The following KLF8 variants were observed in gnomAD, a reference collection of about 807,000 sequenced individuals.
KLF8 encodes Krueppel-like factor 8.
Under a neutral mutation model 18.2 loss-of-function variants are expected in KLF8, and 10 were observed. The ratio of observed to expected loss-of-function variants is 0.55; its 90% confidence interval spans 0.34 to 0.93. The LOEUF (loss-of-function observed/expected upper bound fraction) is 0.93. Ranked by LOEUF, KLF8 falls within the 40% of genes least tolerant of loss-of-function variation. The pLI is 0.02. For missense variants in KLF8, 264 were observed against 277.9 expected, an observed-to-expected ratio of 0.95 and a Z score of 0.36; for synonymous variants, 109 against 97.3, an observed-to-expected ratio of 1.12 and a Z score of -0.71.
the KLF8 span, among the ~76,000 whole-genome samples, chrX:56,074,418 G>A: frequency 9.0e-6 from 1 of 110,851 alleles, no homozygotes; most frequent in Non-Finnish European, 1.9e-5. Context: ...AGAGTTTTAT[G>A]TTTTAGATTA....
the KLF8 span, among the ~76,000 whole-genome samples, chrX:56,135,563 C>T: frequency 1.3e-3 from 145 of 110,009 alleles, no homozygotes; most frequent in African/African-American, 4.3e-3. Flanking sequence ...GGGTGGGGGA[C>T]GGGAGAGGGA....
At chrX:56,005,105 C>T in the KLF8 span, among the ~76,000 whole-genome samples, 6 of 108,958 alleles carry the variant, frequency 5.5e-5, no homozygotes, top group East Asian at 5.8e-4. Flanking sequence ...TGCAGTGGTG[C>T]GGTCTTGGCT....
At chrX:56,242,924 A>G in intron 1 of KLF8, 1 of 440,533 alleles carries the variant, frequency 2.3e-6, no homozygotes, top group Non-Finnish European at 4.2e-6. Flanking sequence ...AGAATTAGTC[A>G]GCTGGACTCA....
intron 1 of KLF8, among the ~76,000 whole-genome samples, chrX:56,240,860 G>A (rs2066534940): frequency 9.0e-6 from 1 of 111,303 alleles, no homozygotes; most frequent in South Asian, 3.8e-4. Flanking sequence ...TGTATAGTGG[G>A]ATCAACAGTA....
At chrX:56,089,092 A>G in the KLF8 span, among the ~76,000 whole-genome samples, 1 of 110,741 alleles carries the variant, frequency 9.0e-6, no homozygotes, top group Non-Finnish European at 1.9e-5. Flanking sequence ...AGTCATCCCC[A>G]CTGCAGTATT....
chrX:56,045,454 C>G, the KLF8 span, among the ~76,000 whole-genome samples: 12 of 111,211 alleles, frequency 1.1e-4, no homozygotes, highest in African/African-American at 3.6e-4. Flanking sequence ...GGTATTTTTA[C>G]GGGAATTGCA....
the KLF8 span, among the ~76,000 whole-genome samples, chrX:56,224,882 T>G: frequency 9.0e-6 from 1 of 111,570 alleles, no homozygotes; most frequent in African/African-American, 3.3e-5. Flanking sequence ...GAGGGCTCAC[T>G]GCTTCCAAGA....
the KLF8 span, among the ~76,000 whole-genome samples, chrX:56,066,396 G>A: frequency 2.7e-5 from 3 of 112,192 alleles, no homozygotes; most frequent in African/African-American, 6.5e-5. Flanking sequence ...TGTGAGCACC[G>A]ACTATGGTAG....
At chrX:56,027,946 C>A in the KLF8 span, among the ~76,000 whole-genome samples, 1 of 112,258 alleles carries the variant, frequency 8.9e-6, no homozygotes, top group Non-Finnish European at 1.9e-5. Flanking sequence ...ACATGGGGGG[C>A]CTTTATATTT....
At chrX:56,113,412 T>C in the KLF8 span, among the ~76,000 whole-genome samples, 660 of 110,169 alleles carry the variant, frequency 6.0e-3, 3 homozygotes, top group Non-Finnish European at 9.3e-3. Context: ...TTGCTGTTGG[T>C]GCTTGTTATG....
chrX:55,968,037 G>A, the KLF8 span, among the ~76,000 whole-genome samples: 1 of 111,577 alleles, frequency 9.0e-6, no homozygotes, highest in African/African-American at 3.3e-5. Context: ...TACACAAAAA[G>A]TGAGAAGCAA....
chrX:56,106,132 G>C, the KLF8 span, among the ~76,000 whole-genome samples: 8 of 110,913 alleles, frequency 7.2e-5, no homozygotes, highest in Admixed American at 9.6e-5. Context: ...TGACATTTCT[G>C]TCTGGCTGCC....
the KLF8 span, among the ~76,000 whole-genome samples, chrX:56,107,848 ATCTT>A: frequency 8.9e-6 from 1 of 111,887 alleles, no homozygotes; most frequent in Non-Finnish European, 1.9e-5. Context: ...CTATTCGGCC[ATCTT>A]AGAACGGATC....
At chrX:56,178,736 A>G in the KLF8 span, among the ~76,000 whole-genome samples, 2 of 112,258 alleles carry the variant, frequency 1.8e-5, no homozygotes, top group African/African-American at 6.5e-5. Flanking sequence ...TTTGTTAAAT[A>G]GGGAATCCTT....
chrX:56,014,157 C>T, the KLF8 span, among the ~76,000 whole-genome samples: 1 of 112,194 alleles, frequency 8.9e-6, no homozygotes, highest in South Asian at 3.7e-4. Flanking sequence ...AACTAAAGAG[C>T]TTCTGCACAG....
the KLF8 span, among the ~76,000 whole-genome samples, chrX:55,952,220 A>C: frequency 8.9e-6 from 1 of 112,352 alleles, no homozygotes. Context: ...GTTGCCTACG[A>C]ACAGAGCCTA....
chrX:56,154,895 C>A, the KLF8 span, among the ~76,000 whole-genome samples: 1 of 112,001 alleles, frequency 8.9e-6, no homozygotes, highest in Non-Finnish European at 1.9e-5. Context: ...AAAATCAAAA[C>A]CACAATGAGA....
chrX:55,947,894 CT>C, the KLF8 span, among the ~76,000 whole-genome samples: 1 of 112,088 alleles, frequency 8.9e-6, no homozygotes, highest in Non-Finnish European at 1.9e-5. Flanking sequence ...AGAAACATAA[CT>C]TTTTCTCATG....
chrX:55,979,917 A>G, the KLF8 span, among the ~76,000 whole-genome samples: 1 of 112,127 alleles, frequency 8.9e-6, no homozygotes, highest in East Asian at 2.8e-4. Flanking sequence ...GAAATAGAGT[A>G]GGTTCTGTGA....
Sources: gnomAD v4.1 joint callset for allele counts (sites outside exome capture counted in the v4.1 genomes callset) on GRCh38, gnomAD v4.1.1 for gene constraint, MANE v1.5 for transcripts, NCBI Gene and HGNC (gene_info 2026-07-23, HGNC 2026-07-21) for gene names.